Variants in NAA35 observed in about 807,000 individuals in gnomAD.
NAA35 encodes the protein N-alpha-acetyltransferase 35, NatC auxiliary subunit, also known as MAK10 homolog, amino-acid N-acetyltransferase subunit.
In NAA35, 18 loss-of-function variants were observed where a neutral mutation model predicts 101.7. That is an observed-to-expected ratio of 0.18 (90% confidence interval 0.12 to 0.26). NAA35 has a LOEUF of 0.26. Among genes scored for constraint, NAA35 ranks in the 10% least tolerant of loss-of-function variants. NAA35 has a pLI of 1.00. For missense variants in NAA35, 601 were observed against 886.8 expected (o/e 0.68, Z 4.09); for synonymous variants, 267 against 273.1 (o/e 0.98, Z 0.22).
chr9:86,010,096 C>T (rs2118398707), intron 15 of NAA35, among the ~76,000 whole-genome samples, 165 bp downstream of exon 15: 1 of 152,180 alleles, frequency 6.6e-6, no homozygotes, highest in South Asian at 2.1e-4. Flanking sequence ...ACTAAAAATA[C>T]AAAAATCAGC....
Position 86,016,467 on chromosome 9 carries a change from C to CATT in NAA35, c.1569-72_1569-71insATT, listed in dbSNP as rs1554778989. On this transcript the variant is annotated intron_variant, in intron 17 of 22. Coordinates refer to ENST00000361671, the MANE Select transcript of NAA35 (RefSeq NM_024635.4). Reference sequence around the variant, plus strand: ...CTAAAGCATTATTTGAAATATCTATCGTTAATATATGTGTTGATAAAGCTG... The same window carrying CATT: ...CTAAAGCATTATTTGAAATATCTATCATTGTTAATATATGTGTTGATAAAGCTG... 4.7e-6 allele frequency: 6 copies of CATT among 1,286,090 alleles called. No homozygotes were observed. The African/African-American group carries it at 9.0e-5, about 19-fold the overall frequency. The allele number at this position is 1,286,090 out of a possible 1,614,324, so 79.7% of individuals were successfully genotyped here. A position where few individuals can be genotyped will look rare whatever the true frequency, so the allele number is the denominator to read the frequency against.
intron 13 of NAA35, among the ~76,000 whole-genome samples, chr9:86,006,153 G>C (rs940799504): frequency 6.6e-6 from 1 of 151,656 alleles, no homozygotes; most frequent in Non-Finnish European, 1.5e-5. Context: ...CTGGGCAACA[G>C]AGCGAGACCC....
chr9:85,972,806 TTTATTGAATAG>T (rs1461246366), intron 6 of NAA35, among the ~76,000 whole-genome samples: 1 of 152,184 alleles, frequency 6.6e-6, no homozygotes, highest in Admixed American at 6.5e-5. Context: ...TGAACACATA[TTTATTGAATAG>T]AAGTCTGTTT....
At chr9:85,958,252 C>T (rs1829361009) in intron 3 of NAA35, among the ~76,000 whole-genome samples, 1 of 152,140 alleles carries the variant, frequency 6.6e-6, no homozygotes, top group Admixed American at 6.6e-5. Flanking sequence ...AAATCTTTTT[C>T]TTCCTCACAG....
At chr9:85,954,090 T>G (rs372440594) in intron 2 of NAA35, among the ~76,000 whole-genome samples, 15 of 152,288 alleles carry the variant, frequency 9.8e-5, no homozygotes, top group East Asian at 1.9e-4. Flanking sequence ...AAATTTTTTT[T>G]TGTGTTTAGA....
intron 21 of NAA35, 111 bp from the exon 22 acceptor site, chr9:86,020,778 C>T (rs904854304): frequency 4.3e-5 from 29 of 681,744 alleles, no homozygotes; most frequent in African/African-American, 2.0e-4. Context: ...TTCAGTGAGC[C>T]GTGTTCTTAC....
In NAA35 at chr9:85,996,548, G is replaced by A. The variant is rs751374102; in HGVS notation, c.1027G>A (p.Val343Met). 1.3e-6 allele frequency: 2 copies of A among 1,584,594 alleles called. No homozygotes were observed. The highest frequency in any genetic ancestry group is 1.7e-6 in the Non-Finnish European group (2 of 1,171,494). ...TAGAATAAAAACTGTCTGTGAGGTTGTGAATTTAACAAATTTACATTGTAT... is the reference window on the plus strand; with the variant it reads ...TAGAATAAAAACTGTCTGTGAGGTTATGAATTTAACAAATTTACATTGTAT... ...IDRIKTVCEVVNLTNLHCILD... is the reference protein window; with the variant it reads ...IDRIKTVCEVMNLTNLHCILD... The change falls in exon 12 of 23, where the codon GTG (valine) becomes ATG (methionine). Residue 343 changes from valine to methionine, a missense_variant. Val to Met is a conservative substitution (Grantham distance 21, BLOSUM62 1). This residue lies in a region of NAA35 where 190 missense variants were observed against 223.1 expected (regional missense o/e 0.85). Transcript: ENST00000361671.
At chr9:85,987,881 G>A (rs955888229) in intron 11 of NAA35, among the ~76,000 whole-genome samples, 2 of 152,220 alleles carry the variant, frequency 1.3e-5, no homozygotes. Flanking sequence ...GAAAAAACTA[G>A]GGATTCTCTT....
intron 21 of NAA35, among the ~76,000 whole-genome samples, 155 bp downstream of exon 21, chr9:86,018,976 A>G (rs1832381627): frequency 1.3e-5 from 2 of 152,194 alleles, no homozygotes; most frequent in African/African-American, 4.8e-5. Context: ...GTTTTGTCAA[A>G]CTAACGTTGT....
intron 18 of NAA35, 41 bp from the exon 19 acceptor site, chr9:86,017,457 G>A: frequency 6.3e-7 from 1 of 1,585,464 alleles, no homozygotes; most frequent in Non-Finnish European, 8.6e-7. Flanking sequence ...GAGGGAGGAG[G>A]AAAAGATTAT....
intron 2 of NAA35, among the ~76,000 whole-genome samples, chr9:85,952,284 T>C (rs1036627912): frequency 2.0e-5 from 3 of 150,408 alleles, no homozygotes; most frequent in African/African-American, 7.3e-5. Flanking sequence ...TGCAAGTGTT[T>C]TTTGTTTTTT....
chr9:85,953,713 G>A (rs1207535846), intron 2 of NAA35, among the ~76,000 whole-genome samples: 1 of 151,922 alleles, frequency 6.6e-6, no homozygotes, highest in South Asian at 2.1e-4. Context: ...ACAGGCATGA[G>A]CCACCATGCC....
At chr9:85,977,840 G>A (rs1436961433) in intron 10 of NAA35, among the ~76,000 whole-genome samples, 3 of 152,054 alleles carry the variant, frequency 2.0e-5, no homozygotes, top group Non-Finnish European at 4.4e-5. Context: ...ACTAATTCAA[G>A]TCAATTACAG....
At chr9:85,942,127 C>G in intron 1 of NAA35, 28 bp from the exon 2 acceptor site, 2 of 1,599,788 alleles carry the variant, frequency 1.3e-6, no homozygotes, top group East Asian at 2.2e-5. Flanking sequence ...GCTACATCCT[C>G]TCTCTTACAT....
chr9:86,005,113 A>G (rs1831575729), intron 13 of NAA35, among the ~76,000 whole-genome samples: 1 of 152,218 alleles, frequency 6.6e-6, no homozygotes, highest in South Asian at 2.1e-4. Flanking sequence ...TCTTCAATAA[A>G]TTATTAATAA....
Position 86,025,227 on chromosome 9 carries a change from A to G in NAA35, c.*3267A>G, listed in dbSNP as rs1264817371. Among the ~76,000 whole-genome samples, 2 of 152,184 alleles carry G rather than the reference A, an allele frequency of 1.3e-5. No individual in the cohort carries two copies. The highest frequency in any genetic ancestry group is 4.8e-5 in the African/African-American group (2 of 41,446). Reference sequence around the variant, plus strand: ...CAGGAAAATAAGCAGAATGAGGGCCATATGCCGCTCAGAGGCCATTAAGAG... The same window carrying G: ...CAGGAAAATAAGCAGAATGAGGGCCGTATGCCGCTCAGAGGCCATTAAGAG... On this transcript the variant is annotated 3_prime_UTR_variant, in exon 23 of 23. Transcript: ENST00000361671.
chr9:85,948,596 G>T (rs1331447022), intron 2 of NAA35, among the ~76,000 whole-genome samples: 2 of 152,046 alleles, frequency 1.3e-5, no homozygotes, highest in Non-Finnish European at 2.9e-5. Flanking sequence ...ATGTTTTGAG[G>T]CTCTTAATAT....
intron 6 of NAA35, 67 bp downstream of exon 6, chr9:85,962,247 T>C (rs368515965): frequency 6.6e-7 from 1 of 1,508,290 alleles, no homozygotes. Context: ...TCTCAGCAGT[T>C]TGGGAGGCCA....
intron 11 of NAA35, among the ~76,000 whole-genome samples, chr9:85,980,555 A>T (rs1472490102): frequency 1.3e-5 from 2 of 152,242 alleles, no homozygotes; most frequent in Non-Finnish European, 2.9e-5. Context: ...CACTGCATTC[A>T]TACAGGCCTC....
Sources: gnomAD v4.1 joint callset for allele counts (sites outside exome capture counted in the v4.1 genomes callset) on GRCh38, gnomAD v4.1.1 for gene constraint, gnomAD v4.1.1 regional missense constraint, MANE v1.5 for transcripts, NCBI Gene and HGNC (gene_info 2026-07-23, HGNC 2026-07-21) for gene names.